CDC123: variants seen among roughly 807,000 people sequenced by gnomAD.
CDC123 encodes the protein translation initiation factor eIF2 assembly protein.
In CDC123, 37 loss-of-function variants were observed where a neutral mutation model predicts 54.4. The ratio of observed to expected loss-of-function variants is 0.68; its 90% confidence interval spans 0.52 to 0.89. The LOEUF is 0.89. CDC123 is among the 40% of genes least tolerant of loss of function. The pLI, the probability that CDC123 is intolerant of heterozygous loss-of-function variation, is 0.00. For synonymous variants in CDC123, 144 were observed against 136.8 expected, an observed-to-expected ratio of 1.05 and a Z score of -0.37; for missense variants, 361 against 412.1, an observed-to-expected ratio of 0.88 and a Z score of 1.07.
intron 6 of CDC123, among the ~76,000 whole-genome samples, chr10:12,226,216 C>G (rs976196054): frequency 2.6e-5 from 4 of 152,216 alleles, no homozygotes; most frequent in Non-Finnish European, 5.9e-5. Context: ...ACACTTCCCC[C>G]CCTTCCACTC....
chr10:12,215,246 T>TA (rs1023791112), intron 4 of CDC123, among the ~76,000 whole-genome samples: 4 of 152,250 alleles, frequency 2.6e-5, no homozygotes, highest in Non-Finnish European at 5.9e-5. Context: ...AGTGTTTAAA[T>TA]ACAGTTTGCC....
intron 7 of CDC123, among the ~76,000 whole-genome samples, chr10:12,232,206 C>T (rs975219769): frequency 1.3e-5 from 2 of 152,096 alleles, no homozygotes; most frequent in East Asian, 3.9e-4. Context: ...TCCACTTGCA[C>T]TGTCAAAATG....
At chr10:12,229,790 G>A (rs745431215) in intron 6 of CDC123, among the ~76,000 whole-genome samples, 13 of 152,186 alleles carry the variant, frequency 8.5e-5, no homozygotes, top group East Asian at 1.9e-4. Context: ...AGGATTTTTC[G>A]AGGAGGAAGC....
At chr10:12,207,579 T>G (rs1051718860) in intron 2 of CDC123, among the ~76,000 whole-genome samples, 2 of 152,116 alleles carry the variant, frequency 1.3e-5, no homozygotes, top group African/African-American at 4.8e-5. Flanking sequence ...TGTACCTGGG[T>G]GGAGCTTGAT....
rs1040275246 is a variant in CDC123, at chr10:12,246,054, C to T, written c.718-95C>T. The stretch of plus-strand genomic sequence containing the variant: ...CAGTGCACTGCAGCCTGGGCAACAG[C>T]ATGAGACCCTGTCTCAGAATAAAAA... On this transcript the variant is annotated intron_variant, in intron 10 of 12. Transcript: ENST00000281141. The T allele has an allele frequency of 1.1e-4, 154 of 1,341,480 alleles. 1 individual carries two copies. The highest frequency in any genetic ancestry group is 6.2e-4 in the Admixed American group (33 of 52,966). 83.1% of individuals were successfully genotyped at this position (1,341,480 alleles called of 1,614,324 possible). A position where few individuals can be genotyped will look rare whatever the true frequency, so the allele number is the denominator to read the frequency against.
intron 2 of CDC123, among the ~76,000 whole-genome samples, chr10:12,204,433 G>A (rs1019683169): frequency 6.6e-6 from 1 of 152,156 alleles, no homozygotes; most frequent in African/African-American, 2.4e-5. Flanking sequence ...TTTGAGCCAT[G>A]TGTATAAGAT....
At chr10:12,239,118 G>A (rs1000167002) in intron 10 of CDC123, among the ~76,000 whole-genome samples, 7 of 151,982 alleles carry the variant, frequency 4.6e-5, no homozygotes, top group Admixed American at 4.6e-4. Flanking sequence ...TTGCGCCACT[G>A]CTCTCCAGCC....
At chr10:12,238,833 A>G (rs562456171) in intron 10 of CDC123, among the ~76,000 whole-genome samples, 11 of 152,182 alleles carry the variant, frequency 7.2e-5, no homozygotes, top group African/African-American at 2.6e-4. Context: ...CAGCCTCGGC[A>G]ACATGGTGAA....
intron 8 of CDC123, 24 bp from the exon 9 acceptor site, chr10:12,237,120 G>A: frequency 6.6e-7 from 1 of 1,511,550 alleles, no homozygotes; most frequent in East Asian, 2.4e-5. Context: ...TATAATAACA[G>A]GATGTAAAAT....
chr10:12,228,941 C>T (rs1431031571), intron 6 of CDC123, among the ~76,000 whole-genome samples: 5 of 152,292 alleles, frequency 3.3e-5, no homozygotes, highest in African/African-American at 1.2e-4. Context: ...TCTCGAGTTC[C>T]TGAACTCAAG....
intron 2 of CDC123, among the ~76,000 whole-genome samples, chr10:12,200,120 A>ATTTTTCTTTTTTTT (rs1835420992): frequency 1.7e-5 from 1 of 59,356 alleles, no homozygotes; most frequent in African/African-American, 6.0e-5. Flanking sequence ...CGCACTCGGC[A>ATTTTTCTTTTTTTT]TTTTTTTTTT....
At chr10:12,215,858 C>T in intron 5 of CDC123, 23 bp downstream of exon 5, 1 of 1,439,078 alleles carries the variant, frequency 6.9e-7, no homozygotes, top group Non-Finnish European at 9.6e-7. Context: ...AAGTAATTCT[C>T]TTACTGTTTG....
At chr10:12,221,017 C>A (rs967809895) in intron 6 of CDC123, among the ~76,000 whole-genome samples, 3 of 150,556 alleles carry the variant, frequency 2.0e-5, no homozygotes, top group African/African-American at 7.3e-5. Flanking sequence ...TTCCAAAATA[C>A]TTCCCATTAA....
In CDC123 at chr10:12,198,721, C is replaced by A; in HGVS notation, c.91C>A (p.Pro31Thr). The change falls in exon 2 of 13, where the codon CCT becomes ACT. Residue 31 changes from proline (P) to threonine (T), a missense_variant. Coordinates refer to ENST00000281141, the MANE Select transcript of CDC123 (RefSeq NM_006023.3). ...VTIKSVILPLPQNVKDYLLDD... is the reference protein window; with the variant it reads ...VTIKSVILPLTQNVKDYLLDD... ...TTTTTTTAGTGTCATTCTTCCACTT[C>A]CTCAGAATGTGAAGGATTATTTACT... 2 of 1,584,336 alleles carry A rather than the reference C, an allele frequency of 1.3e-6. No homozygotes were observed. Among genetic ancestry groups the A allele is most frequent in the Non-Finnish European group, 1.7e-6 (2 of 1,159,562 alleles).
At chr10:12,202,070 G>C (rs1835447264) in intron 2 of CDC123, among the ~76,000 whole-genome samples, 2 of 152,178 alleles carry the variant, frequency 1.3e-5, no homozygotes, top group South Asian at 4.1e-4. Context: ...TGAAAAGTTA[G>C]TGATTTTAGG....
intron 6 of CDC123, among the ~76,000 whole-genome samples, chr10:12,222,541 G>A (rs1030536155): frequency 1.1e-4 from 16 of 152,162 alleles, no homozygotes; most frequent in African/African-American, 3.9e-4. Flanking sequence ...AACATTCTAT[G>A]TTATTAAACT....
At chr10:12,222,472 GAGAA>G (rs1321077107) in intron 6 of CDC123, among the ~76,000 whole-genome samples, 1 of 152,110 alleles carries the variant, frequency 6.6e-6, no homozygotes, top group African/African-American at 2.4e-5. Flanking sequence ...ACAAAAAAGA[GAGAA>G]AGAAAGAAAT....
intron 6 of CDC123, among the ~76,000 whole-genome samples, chr10:12,226,623 G>A (rs545709924): frequency 7.9e-5 from 12 of 151,512 alleles, no homozygotes; most frequent in Admixed American, 2.0e-4. Flanking sequence ...CAGACGGGGC[G>A]GCGGGGCAGA....
intron 6 of CDC123, among the ~76,000 whole-genome samples, chr10:12,229,610 A>AT (rs1279795835): frequency 6.6e-6 from 1 of 152,086 alleles, no homozygotes; most frequent in Non-Finnish European, 1.5e-5. Context: ...GCTGCAGAGT[A>AT]TTTTTTCTCT....
Sources: allele counts gnomAD v4.1 joint callset (sites outside exome capture counted in the v4.1 genomes callset), GRCh38; gene constraint gnomAD v4.1.1; transcripts MANE v1.5; gene names NCBI Gene and HGNC (gene_info 2026-07-23, HGNC 2026-07-21).